Variants in NYAP2 observed in about 807,000 individuals in gnomAD.
NYAP2 encodes the protein neuronal tyrosine-phosphorylated phosphoinositide-3-kinase adaptor 2.
NYAP2 carries 23 observed loss-of-function variants against 50.4 expected under a neutral mutation model. That is an observed-to-expected ratio of 0.46 (90% CI 0.33 to 0.65). NYAP2 has a LOEUF of 0.65. NYAP2 is among the 30% of genes least tolerant of loss of function. NYAP2 has a pLI of 0.02. For missense variants in NYAP2, 885 were observed against 861.0 expected, an observed-to-expected ratio of 1.03 and a Z score of -0.35; for synonymous variants, 394 against 365.2, an observed-to-expected ratio of 1.08 and a Z score of -0.90.
chr2:225,434,000 T>G (rs1689325428), intron 3 of NYAP2, among the ~76,000 whole-genome samples: 1 of 152,140 alleles, frequency 6.6e-6, no homozygotes, highest in East Asian at 1.9e-4. Flanking sequence ...ACCACTATAT[T>G]TTAATAAAAA....
At chr2:225,445,566 A>G (rs972358972) in intron 3 of NYAP2, among the ~76,000 whole-genome samples, 2 of 152,144 alleles carry the variant, frequency 1.3e-5, no homozygotes, top group Non-Finnish European at 2.9e-5. Context: ...TTTTATGTAT[A>G]TTGGGAAAAC....
chr2:225,574,902 T>C (rs1242718031), intron 4 of NYAP2, among the ~76,000 whole-genome samples: 1 of 152,192 alleles, frequency 6.6e-6, no homozygotes, highest in East Asian at 1.9e-4. Context: ...GAATTTGACC[T>C]TTGCTCTGAG....
At chr2:225,529,322 T>G (rs1691210069) in intron 4 of NYAP2, among the ~76,000 whole-genome samples, 1 of 152,132 alleles carries the variant, frequency 6.6e-6, no homozygotes, top group Non-Finnish European at 1.5e-5. Context: ...GTTTTATGTT[T>G]TTTTGTTTGT....
rs765270085 is a variant in NYAP2, at chr2:225,647,956, A to ATG, written c.1829-3469_1829-3468dup. ...AGAGGGTAGATCAAATTATATATAT[A>ATG]TGTGTGTGCATACATATGTGTGTGT... On this transcript the variant is annotated intron_variant, in intron 6 of 6. Transcript: ENST00000636099. Among the ~76,000 whole-genome samples the ATG allele has an allele frequency of 8.7e-5, 12 of 137,146 alleles. No homozygotes were observed. The East Asian group carries it at 1.5e-3, about 17-fold the overall frequency. The allele number at this position is 137,146 out of a possible 152,430, so 90.0% of individuals were successfully genotyped here. A position where few individuals can be genotyped will look rare whatever the true frequency, so the allele number is the denominator to read the frequency against.
chr2:225,614,153 A>G lies in NYAP2; in HGVS notation c.1619-12764A>G, dbSNP rs530232573. ...CTGAGCTGAGAATGAACTACAGATC[A>G]TCTCAACCCCAAGCCAGGATGTTTT... is the stretch of plus-strand genomic sequence containing the variant. On this transcript the variant is annotated intron_variant, in intron 5 of 6. Transcript: ENST00000636099. Among the ~76,000 whole-genome samples, 5 of 152,308 alleles carry G rather than the reference A, an allele frequency of 3.3e-5. No individual in the cohort carries two copies. The South Asian group carries it at 8.3e-4, about 25-fold the overall frequency.
chr2:225,531,695 C>A (rs1691255519), intron 4 of NYAP2, among the ~76,000 whole-genome samples: 1 of 152,152 alleles, frequency 6.6e-6, no homozygotes, highest in South Asian at 2.1e-4. Context: ...TATTGGAGAG[C>A]TTAGAGAAAA....
chr2:225,647,121 T>A (rs1693648805), intron 6 of NYAP2, among the ~76,000 whole-genome samples: 1 of 152,108 alleles, frequency 6.6e-6, no homozygotes, highest in Admixed American at 6.5e-5. Context: ...ATCTCTATAG[T>A]AAATAATTAT....
In NYAP2 at chr2:225,595,404, G is replaced by A. The variant is rs981563900; in HGVS notation, c.1618+12369G>A. Among the ~76,000 whole-genome samples the A allele has an allele frequency of 2.4e-4, 37 of 152,284 alleles. 1 individual carries two copies. Among genetic ancestry groups the A allele is most frequent in the African/African-American group, 8.7e-4 (36 of 41,546 alleles). The stretch of plus-strand genomic sequence containing the variant: ...AGTTGTTAGTAGCCTGCAACAGAAT[G>A]ATCAGAGCTGAAATAAAGTACTGCT... On this transcript the variant is annotated intron_variant, in intron 5 of 6. Coordinates refer to ENST00000636099, the Ensembl canonical transcript of NYAP2.
intron 4 of NYAP2, among the ~76,000 whole-genome samples, chr2:225,525,051 G>T (rs1329138204): frequency 6.6e-6 from 1 of 152,174 alleles, no homozygotes. Context: ...TCTTATGCTA[G>T]TTAGAATGGC....
chr2:225,490,505 A>G (rs1470404819), intron 3 of NYAP2, among the ~76,000 whole-genome samples: 2 of 152,334 alleles, frequency 1.3e-5, no homozygotes, highest in African/African-American at 2.4e-5. Flanking sequence ...AGATGTAAAT[A>G]TATCTGCTTG....
the NYAP2 span, among the ~76,000 whole-genome samples, chr2:225,681,448 T>G: frequency 4.5e-3 from 678 of 152,332 alleles, 9 homozygotes; most frequent in African/African-American, 0.015. Context: ...CTGATGTGTC[T>G]AATATCTTAG....
chr2:225,557,891 T>C (rs376534894), intron 4 of NYAP2, among the ~76,000 whole-genome samples: 2 of 152,234 alleles, frequency 1.3e-5, no homozygotes, highest in African/African-American at 4.8e-5. Flanking sequence ...AGGGCCTTTA[T>C]GTTTCTAACA....
At chr2:225,564,807 A>G (rs1267099016) in intron 4 of NYAP2, among the ~76,000 whole-genome samples, 1 of 152,150 alleles carries the variant, frequency 6.6e-6, no homozygotes, top group Non-Finnish European at 1.5e-5. Context: ...AAGTATAGAA[A>G]ATAACTCACC....
intron 4 of NYAP2, among the ~76,000 whole-genome samples, chr2:225,538,173 A>G (rs952171649): frequency 3.3e-5 from 5 of 152,158 alleles, no homozygotes; most frequent in African/African-American, 1.2e-4. Flanking sequence ...CTGTCAGTGA[A>G]TCTACCATTC....
chr2:225,520,502 T>C (rs958541717), intron 4 of NYAP2, among the ~76,000 whole-genome samples: 2 of 152,202 alleles, frequency 1.3e-5, no homozygotes, highest in Non-Finnish European at 2.9e-5. Context: ...GCTAGCCAGT[T>C]TTCCTGGCAC....
chr2:225,632,017 C>A (rs1266666058), intron 6 of NYAP2, among the ~76,000 whole-genome samples: 1 of 152,102 alleles, frequency 6.6e-6, no homozygotes, highest in Non-Finnish European at 1.5e-5. Flanking sequence ...GGGGTTTCAT[C>A]GCATTGATCA....
intron 5 of NYAP2, among the ~76,000 whole-genome samples, chr2:225,589,314 T>C (rs1300481071): frequency 2.0e-5 from 2 of 99,926 alleles, no homozygotes; most frequent in East Asian, 2.6e-4. Context: ...CTGGAAAACA[T>C]GGAATAAATG....
intron 4 of NYAP2, among the ~76,000 whole-genome samples, chr2:225,546,468 C>T (rs1406601972): frequency 6.6e-6 from 1 of 152,064 alleles, no homozygotes; most frequent in Admixed American, 6.6e-5. Flanking sequence ...GTTACCACAA[C>T]CACAGATCCA....
At chr2:225,546,486 G>A (rs1042800899) in intron 4 of NYAP2, among the ~76,000 whole-genome samples, 19 of 151,998 alleles carry the variant, frequency 1.3e-4, no homozygotes, top group African/African-American at 4.6e-4. Flanking sequence ...CCACATGGTG[G>A]GTACTGTCAG....
Sources: gnomAD v4.1 joint callset for allele counts (sites outside exome capture counted in the v4.1 genomes callset) on GRCh38, gnomAD v4.1.1 for gene constraint, MANE v1.5 for transcripts, NCBI Gene and HGNC (gene_info 2026-07-23, HGNC 2026-07-21) for gene names.